The following MACF1 variants were observed in gnomAD, a reference collection of about 807,000 sequenced individuals.
MACF1 encodes microtubule actin crosslinking factor 1.
In MACF1, 193 loss-of-function variants were observed where a neutral mutation model predicts 854.8. The observed-to-expected ratio is 0.23, with a 90% confidence interval of 0.20 to 0.25. MACF1 has a LOEUF of 0.25. Among genes scored for constraint, MACF1 ranks in the 10% least tolerant of loss-of-function variants. The probability of loss-of-function intolerance (pLI) is 1.00; values close to 1 mark genes in which losing one functional copy is unlikely to be tolerated. For synonymous variants in MACF1, 3,185 were observed against 3,226.7 expected (o/e 0.99, Z 0.44); for missense variants, 7,722 against 8,929.1 (o/e 0.86, Z 5.45).
Position 39,105,419 on chromosome 1 carries a change from G to T in MACF1, c.220+20981G>T. On this transcript the variant is annotated intron_variant, in intron 2 of 93. Coordinates refer to the MACF1 transcript ENST00000361689. This position sits in a 1 kb window ranked among gnomAD's most constrained non-coding sequence, Gnocchi z 5.9. ...CGCGGAAACGCGAGCCGGGACCGGC[G>T]GAGCGCGAGCGGGCCGGGTGCGAGC... 2.0e-6 allele frequency: 2 copies of T among 987,918 alleles called. No individual in the cohort carries two copies. Among genetic ancestry groups the T allele is most frequent in the Non-Finnish European group, 2.4e-6 (2 of 832,572 alleles). 61.2% of individuals were successfully genotyped at this position (987,918 alleles called of 1,614,324 possible). A position where few individuals can be genotyped will look rare whatever the true frequency, so the allele number is the denominator to read the frequency against.
At chr1:39,156,164 C>T (rs563845712) in intron 2 of MACF1, among the ~76,000 whole-genome samples, 108 of 152,278 alleles carry the variant, frequency 7.1e-4, no homozygotes, top group African/African-American at 2.4e-3. Context: ...CGTGAGCCAC[C>T]GTGCCTGGCC....
At chr1:39,201,652 G>A (rs1284592003), upstream of MACF1, among the ~76,000 whole-genome samples, 1 of 151,712 alleles carries the variant, frequency 6.6e-6, no homozygotes, top group African/African-American at 2.4e-5. Context: ...GCGCCAGGCT[G>A]AGCAATCCTT....
At chr1:39,482,539 T>C (rs1248273259) in intron 99 of MACF1, among the ~76,000 whole-genome samples, 2 of 152,112 alleles carry the variant, frequency 1.3e-5, no homozygotes, top group East Asian at 1.9e-4. Flanking sequence ...TGTTTTTTCA[T>C]TTTTTAAAAA....
At chr1:39,314,900 C>G (rs541065017) in intron 26 of MACF1, among the ~76,000 whole-genome samples, 67 of 152,234 alleles carry the variant, frequency 4.4e-4, no homozygotes, top group African/African-American at 1.3e-3. Flanking sequence ...TCAGAAATTG[C>G]TTGTGTGTGT....
intron 43 of MACF1, among the ~76,000 whole-genome samples, chr1:39,352,571 G>A (rs1016386022): frequency 1.3e-5 from 2 of 152,174 alleles, no homozygotes; most frequent in African/African-American, 2.4e-5. Context: ...AAGCTGGAGT[G>A]CAGTGGCACG....
rs112080515 is a variant in MACF1 at position 39,426,797 on chromosome 1, G to T, written c.16317-658G>T. Among the ~76,000 whole-genome samples the T allele has an allele frequency of 5.2e-3, 789 of 151,800 alleles. 6 individuals are homozygous for T. The highest frequency in any genetic ancestry group is 0.018 in the African/African-American group (729 of 41,420). The stretch of plus-strand genomic sequence containing the variant: ...TTTTTTTGGGGGGGGTGCTTTTTGT[G>T]TTGGCAAATTCAGCCAGCGTGAGGT... On this transcript the variant is annotated intron_variant, in intron 61 of 100. Coordinates refer to ENST00000564288, the MANE Select transcript of MACF1 (RefSeq NM_001394062.1).
At chr1:39,130,987 A>G (rs912925343) in intron 2 of MACF1, among the ~76,000 whole-genome samples, 1 of 151,302 alleles carries the variant, frequency 6.6e-6, no homozygotes. Context: ...GATTACAGGC[A>G]TTACAGACGT....
intron 2 of MACF1, among the ~76,000 whole-genome samples, chr1:39,235,674 A>G (rs573043180): frequency 6.6e-6 from 1 of 152,286 alleles, no homozygotes; most frequent in African/African-American, 2.4e-5. Context: ...TAGTTTCCTA[A>G]TAAAGTTTTC....
At chr1:39,481,068 A>T (rs1286415229) in intron 99 of MACF1, 38 bp downstream of exon 99, 7 of 1,323,604 alleles carry the variant, frequency 5.3e-6, no homozygotes, top group Non-Finnish European at 7.4e-6. Flanking sequence ...CACAGTCAAG[A>T]CGAGGCCCTC....
chr1:39,233,310 A>G (rs1644806951), intron 2 of MACF1, among the ~76,000 whole-genome samples: 1 of 152,086 alleles, frequency 6.6e-6, no homozygotes, highest in Admixed American at 6.5e-5. Flanking sequence ...CTGGGATTAT[A>G]GGCGTGAGCC....
chr1:39,418,517 G>C (rs1643414224), intron 58 of MACF1, among the ~76,000 whole-genome samples: 1 of 152,188 alleles, frequency 6.6e-6, no homozygotes, highest in Admixed American at 6.5e-5. Flanking sequence ...TAGAAGAGGA[G>C]AAAGAAAACA....
intron 2 of MACF1, among the ~76,000 whole-genome samples, chr1:39,241,301 G>C (rs1644920073): frequency 6.6e-6 from 1 of 152,030 alleles, no homozygotes; most frequent in Admixed American, 6.5e-5. Flanking sequence ...CAAGGAAATT[G>C]GGCTGCTTAC....
intron 2 of MACF1, among the ~76,000 whole-genome samples, chr1:39,142,516 T>G (rs1345076475): frequency 6.6e-6 from 1 of 152,202 alleles, no homozygotes; most frequent in Non-Finnish European, 1.5e-5. Flanking sequence ...TGTTTATTTT[T>G]GGGTGCCCTG....
chr1:39,169,776 T>TC (rs1381645539), intron 2 of MACF1, among the ~76,000 whole-genome samples: 4 of 137,222 alleles, frequency 2.9e-5, no homozygotes, highest in African/African-American at 1.1e-4. Context: ...TTTCTTTCTT[T>TC]TTTTTTTTTT....
chr1:39,464,824 G>A (rs1288761976), intron 94 of MACF1: 1 of 400,018 alleles, frequency 2.5e-6, no homozygotes, highest in Non-Finnish European at 4.6e-6. Context: ...TGAGGCAGGA[G>A]AATTGCTTGA....
intron 80 of MACF1, among the ~76,000 whole-genome samples, chr1:39,446,615 G>GT (rs1336995511): frequency 6.6e-6 from 1 of 151,982 alleles, no homozygotes; most frequent in African/African-American, 2.4e-5. Flanking sequence ...ACATCTTGGA[G>GT]TTTTTTCTGT....
chr1:39,279,597 C>T (rs1557560311), intron 6 of MACF1, among the ~76,000 whole-genome samples: 1 of 152,170 alleles, frequency 6.6e-6, no homozygotes, highest in Non-Finnish European at 1.5e-5. Flanking sequence ...GGTGTTTTCT[C>T]TGCCCCAACA....
chr1:39,152,810 A>G (rs1643609917), intron 2 of MACF1, among the ~76,000 whole-genome samples: 1 of 152,148 alleles, frequency 6.6e-6, no homozygotes, highest in Non-Finnish European at 1.5e-5. Flanking sequence ...AAAGCAACAA[A>G]AGAATGCTAC....
intron 58 of MACF1, among the ~76,000 whole-genome samples, chr1:39,392,428 C>CT (rs1642070634): frequency 6.6e-6 from 1 of 152,094 alleles, no homozygotes; most frequent in African/African-American, 2.4e-5. Flanking sequence ...AAGTATGACT[C>CT]TGTTTTCAGA....
Sources: gnomAD v4.1 joint callset for allele counts (sites outside exome capture counted in the v4.1 genomes callset) on GRCh38, gnomAD v4.1.1 for gene constraint, Gnocchi (gnomAD v3.1) non-coding constraint, MANE v1.5 for transcripts, NCBI Gene and HGNC (gene_info 2026-07-23, HGNC 2026-07-21) for gene names.